IL23R: variants seen among roughly 807,000 people sequenced by gnomAD.
IL23R encodes interleukin 23 receptor.
A neutral mutation model predicts 56.9 loss-of-function variants in IL23R; 34 were observed. The observed-to-expected ratio is 0.60, with a 90% CI of 0.45 to 0.80. The LOEUF is 0.80. Ranked by LOEUF, IL23R falls within the 30% of genes least tolerant of loss-of-function variation. The pLI is 0.00. For missense variants in IL23R, 635 were observed against 730.0 expected (o/e 0.87, Z 1.50); for synonymous variants, 230 against 249.2 (o/e 0.92, Z 0.73).
At chr1:67,190,783 T>C (rs1021676842) in intron 4 of IL23R, among the ~76,000 whole-genome samples, 2 of 152,194 alleles carry the variant, frequency 1.3e-5, no homozygotes, top group African/African-American at 4.8e-5. Context: ...TCACGCACCG[T>C]AGAAGACCAA....
At chr1:67,253,777 GTTA>G (rs1652786636) in intron 9 of IL23R, among the ~76,000 whole-genome samples, 1 of 151,986 alleles carries the variant, frequency 6.6e-6, no homozygotes, top group African/African-American at 2.4e-5. Flanking sequence ...CAATATTTGT[GTTA>G]TTATTTAAAC....
chr1:67,183,387 T>C (rs1345729320), intron 4 of IL23R, among the ~76,000 whole-genome samples: 1 of 152,116 alleles, frequency 6.6e-6, no homozygotes, highest in Non-Finnish European at 1.5e-5. Context: ...ATACAAAAAT[T>C]AGCCAGGCAT....
At chr1:67,249,800 C>T (rs960603933) in intron 9 of IL23R, among the ~76,000 whole-genome samples, 2 of 152,050 alleles carry the variant, frequency 1.3e-5, no homozygotes, top group East Asian at 1.9e-4. Context: ...GTTTAAAATA[C>T]TTGATATAAT....
At chr1:67,171,669 C>T (rs1646945289) in intron 3 of IL23R, among the ~76,000 whole-genome samples, 1 of 152,108 alleles carries the variant, frequency 6.6e-6, no homozygotes, top group Non-Finnish European at 1.5e-5. Flanking sequence ...AAAAACTAGT[C>T]TGTGGGAGTT....
intron 6 of IL23R, among the ~76,000 whole-genome samples, chr1:67,217,527 C>T (rs539518804): frequency 6.6e-6 from 1 of 152,118 alleles, no homozygotes; most frequent in Non-Finnish European, 1.5e-5. Flanking sequence ...AACTTCCTTA[C>T]AAGAGACACT....
At position 67,168,078 on chromosome 1, in the gene IL23R, T is replaced by C; in HGVS notation, c.-29-14T>C. 7.4e-7 allele frequency: 1 copy of C among 1,352,054 alleles called. No individual in the cohort carries two copies. The allele number at this position is 1,352,054 out of a possible 1,614,324, so 83.8% of individuals were successfully genotyped here. ...AATACTACAATTTAAACATTTTTCA[T>C]ATTTTTTTTCCAGAGGGAAACAGTC... On this transcript the variant is annotated splice_polypyrimidine_tract_variant and intron_variant, in intron 1 of 10. Transcript: ENST00000347310.
intron 4 of IL23R, among the ~76,000 whole-genome samples, chr1:67,198,682 T>C (rs1025989662): frequency 6.6e-6 from 1 of 152,212 alleles, no homozygotes; most frequent in Non-Finnish European, 1.5e-5. Context: ...AGGTGGCTCA[T>C]GCCTATAATC....
At chr1:67,221,795 T>C (rs548688065) in intron 7 of IL23R, among the ~76,000 whole-genome samples, 3 of 152,328 alleles carry the variant, frequency 2.0e-5, no homozygotes, top group Admixed American at 6.5e-5. Context: ...TTATAAATAT[T>C]GATGGCTGCC....
At chr1:67,174,508 G>A (rs137897255) in intron 3 of IL23R, among the ~76,000 whole-genome samples, 7 of 151,848 alleles carry the variant, frequency 4.6e-5, no homozygotes, top group Admixed American at 2.0e-4. Context: ...AACTTCAGAC[G>A]CATAAATGTC....
At chr1:67,253,567 A>C (rs191339306) in intron 9 of IL23R, among the ~76,000 whole-genome samples, 12 of 152,330 alleles carry the variant, frequency 7.9e-5, no homozygotes, top group Admixed American at 6.5e-4. Flanking sequence ...AAGTCTACTA[A>C]TGATTTCTTA....
At chr1:67,200,397 CTT>C (rs1208404450) in intron 4 of IL23R, among the ~76,000 whole-genome samples, 14 of 137,860 alleles carry the variant, frequency 1.0e-4, no homozygotes, top group Admixed American at 7.3e-5. Context: ...AACTTTTTTT[CTT>C]TTTTTTTTTT....
Position 67,182,922 on chromosome 1 carries a change from A to G in IL23R, c.454A>G (p.Thr152Ala). 1 of 1,614,080 alleles carries G rather than the reference A, an allele frequency of 6.2e-7. No individual in the cohort carries two copies. ...TTGCACCTGGAATGCTGGGAAGCTC[A>G]CCTACATAGACACAAAATACGTGGT... ...MTCTWNAGKL[T>A]YIDTKYVVHV... Residue 152 changes from threonine (T) to alanine (A), a missense_variant, in exon 4 of 11, where the codon ACC becomes GCC. By Grantham distance (58) the Thr-to-Ala change is moderately conservative. Transcript: ENST00000347310.
intron 4 of IL23R, among the ~76,000 whole-genome samples, chr1:67,197,878 G>A (rs557310738): frequency 1.6e-4 from 24 of 152,048 alleles, no homozygotes; most frequent in Non-Finnish European, 2.8e-4. Context: ...CAAGACTGCA[G>A]TGAGCTGTGG....
intron 5 of IL23R, among the ~76,000 whole-genome samples, chr1:67,204,365 C>A (rs905244804): frequency 6.6e-6 from 1 of 152,092 alleles, no homozygotes; most frequent in Non-Finnish European, 1.5e-5. Context: ...ATATGTGAAA[C>A]CTAATCAGTA....
At chr1:67,181,508 A>G (rs529824576) in intron 3 of IL23R, among the ~76,000 whole-genome samples, 35 of 152,118 alleles carry the variant, frequency 2.3e-4, no homozygotes, top group African/African-American at 8.2e-4. Flanking sequence ...ACTTCTCTGC[A>G]TTGGTTATTC....
intron 3 of IL23R, among the ~76,000 whole-genome samples, chr1:67,176,653 A>T (rs145316087): frequency 0.01 from 1,546 of 152,248 alleles, 37 homozygotes; most frequent in African/African-American, 0.036. Flanking sequence ...TTTAAATTAT[A>T]CTTGAAGTTT....
intron 1 of IL23R, among the ~76,000 whole-genome samples, chr1:67,161,123 AT>A (rs1646814611): frequency 6.6e-6 from 1 of 152,208 alleles, no homozygotes; most frequent in Non-Finnish European, 1.5e-5. Context: ...CTCTAGGTCA[AT>A]TTTGAAGCAG....
intron 5 of IL23R, among the ~76,000 whole-genome samples, 200 bp from the exon 6 acceptor site, chr1:67,206,710 T>A (rs1338011067): frequency 6.6e-6 from 1 of 151,712 alleles, no homozygotes; most frequent in Non-Finnish European, 1.5e-5. Flanking sequence ...ATGGGCTGAA[T>A]AGAATTTTCC....
At chr1:67,151,060 C>T (rs1197585532) in intron 1 of IL23R, among the ~76,000 whole-genome samples, 1 of 152,200 alleles carries the variant, frequency 6.6e-6, no homozygotes, top group Non-Finnish European at 1.5e-5. Context: ...AACTAATTGA[C>T]ATTCTCACCA....
Sources: gnomAD v4.1 joint callset for allele counts (sites outside exome capture counted in the v4.1 genomes callset) on GRCh38, gnomAD v4.1.1 for gene constraint, MANE v1.5 for transcripts, NCBI Gene and HGNC (gene_info 2026-07-23, HGNC 2026-07-21) for gene names.